The following PDE4D variants were observed in gnomAD, a reference collection of about 807,000 sequenced individuals.
PDE4D encodes the protein phosphodiesterase 4D, also known as 3',5'-cyclic-AMP phosphodiesterase 4D.
A neutral mutation model predicts 87.4 loss-of-function variants in PDE4D; 24 were observed. That is an observed-to-expected ratio of 0.27 (90% CI 0.20 to 0.39). The LOEUF is 0.39. Ranked by LOEUF, PDE4D falls within the 10% of genes least tolerant of loss-of-function variation. The probability of loss-of-function intolerance (pLI) is 1.00; values close to 1 mark genes in which losing one functional copy is unlikely to be tolerated. For missense variants in PDE4D, 714 were observed against 1,041.0 expected, an observed-to-expected ratio of 0.69 and a Z score of 4.32; for synonymous variants, 384 against 383.2, an observed-to-expected ratio of 1.00 and a Z score of -0.02.
chr5:59,817,411 G>T (rs1052538695), intron 1 of PDE4D, among the ~76,000 whole-genome samples: 1 of 152,116 alleles, frequency 6.6e-6, no homozygotes, highest in Non-Finnish European at 1.5e-5. Context: ...TACTAATACC[G>T]GGAGGAGTGG....
chr5:60,348,799 C>T (rs945234615), intron 1 of PDE4D, among the ~76,000 whole-genome samples: 6 of 152,018 alleles, frequency 3.9e-5, no homozygotes, highest in African/African-American at 1.4e-4. Flanking sequence ...ACTTTAACTT[C>T]AGTATCCTAA....
chr5:60,116,244 A>G (rs1276807823), intron 2 of PDE4D, among the ~76,000 whole-genome samples: 1 of 152,082 alleles, frequency 6.6e-6, no homozygotes, highest in Non-Finnish European at 1.5e-5. Flanking sequence ...GCCATGTGCA[A>G]CACAGACCAA....
At chr5:59,368,268 C>T (rs1783397337) in intron 1 of PDE4D, among the ~76,000 whole-genome samples, 1 of 152,180 alleles carries the variant, frequency 6.6e-6, no homozygotes, top group Non-Finnish European at 1.5e-5. Flanking sequence ...ACTTGTGAAA[C>T]TTGCTCTTTT....
chr5:59,608,314 C>T, intron 1 of PDE4D, among the ~76,000 whole-genome samples: 1 of 152,172 alleles, frequency 6.6e-6, no homozygotes, highest in Admixed American at 6.5e-5. Flanking sequence ...TTAGCTCACA[C>T]AGCGCATGCT....
intron 2 of PDE4D, among the ~76,000 whole-genome samples, chr5:60,143,107 G>A (rs899542601): frequency 4.6e-5 from 7 of 152,142 alleles, no homozygotes; most frequent in Non-Finnish European, 1.0e-4. Flanking sequence ...AGTGAATAAG[G>A]AACCAGACCC....
intron 1 of PDE4D, among the ~76,000 whole-genome samples, chr5:59,581,932 G>T (rs1239404421): frequency 6.6e-6 from 1 of 152,024 alleles, no homozygotes; most frequent in Non-Finnish European, 1.5e-5. Context: ...TTAAACAATG[G>T]CTGACTTTAA....
chr5:59,481,689 T>G (rs1258029514), intron 1 of PDE4D, among the ~76,000 whole-genome samples: 1 of 152,124 alleles, frequency 6.6e-6, no homozygotes, highest in Non-Finnish European at 1.5e-5. Context: ...TGACTTTTCT[T>G]GGAAATCAAG....
At chr5:59,171,907 T>C (rs1231958998) in intron 5 of PDE4D, among the ~76,000 whole-genome samples, 1 of 122,490 alleles carries the variant, frequency 8.2e-6, no homozygotes, top group African/African-American at 3.4e-5. Flanking sequence ...AGCATATATA[T>C]GAGAAATACA....
intron 5 of PDE4D, among the ~76,000 whole-genome samples, chr5:59,096,405 G>A (rs1209314888): frequency 1.3e-5 from 2 of 152,140 alleles, no homozygotes; most frequent in Non-Finnish European, 1.5e-5. Context: ...GTGGGCAATT[G>A]GTTGTTATGA....
chr5:59,941,869 C>A (rs1387082165), intron 3 of PDE4D, among the ~76,000 whole-genome samples: 1 of 152,202 alleles, frequency 6.6e-6, no homozygotes, highest in Admixed American at 6.5e-5. Context: ...CCCCTCCATT[C>A]AATGATGGGG....
At chr5:60,140,318 T>C (rs540281409) in intron 2 of PDE4D, among the ~76,000 whole-genome samples, 1 of 152,148 alleles carries the variant, frequency 6.6e-6, no homozygotes, top group South Asian at 2.1e-4. Flanking sequence ...TATAATTACA[T>C]GGTATATTTC....
chr5:59,240,298 G>C (rs545758547), intron 1 of PDE4D, among the ~76,000 whole-genome samples: 3 of 152,224 alleles, frequency 2.0e-5, no homozygotes, highest in Non-Finnish European at 4.4e-5. Context: ...TTTTAAAAAA[G>C]AGCAATTTTC....
chr5:60,511,142 G>A (rs1240150820), intron 1 of PDE4D, among the ~76,000 whole-genome samples: 1 of 151,980 alleles, frequency 6.6e-6, no homozygotes, highest in Non-Finnish European at 1.5e-5. Flanking sequence ...GATAATTTTT[G>A]TATTTTCAGT....
intron 1 of PDE4D, among the ~76,000 whole-genome samples, chr5:59,369,702 TA>T (rs886412521): frequency 3.9e-5 from 6 of 152,034 alleles, no homozygotes; most frequent in African/African-American, 1.2e-4. Context: ...CTGGGAATGT[TA>T]AAAAATTCTG....
intron 1 of PDE4D, among the ~76,000 whole-genome samples, chr5:60,450,509 A>C (rs999697538): frequency 3.9e-5 from 6 of 152,188 alleles, no homozygotes; most frequent in African/African-American, 7.2e-5. Flanking sequence ...TGAGCCATTT[A>C]AAACCATAAT....
chr5:59,802,283 T>C (rs1767222276), intron 1 of PDE4D, among the ~76,000 whole-genome samples: 1 of 151,892 alleles, frequency 6.6e-6, no homozygotes, highest in Admixed American at 6.6e-5. Context: ...CACGCAGCCA[T>C]ATCCCACAAA....
intron 1 of PDE4D, among the ~76,000 whole-genome samples, chr5:59,331,560 C>T (rs533987906): frequency 2.0e-5 from 3 of 152,268 alleles, no homozygotes; most frequent in Non-Finnish European, 4.4e-5. Flanking sequence ...GGGTGTGACA[C>T]AATTCAGCCC....
chr5:60,490,462 C>A (rs752642313), upstream of PDE4D: 3 of 152,128 alleles, frequency 2.0e-5, no homozygotes, highest in Non-Finnish European at 4.4e-5. Flanking sequence ...GAAAAGGAAA[C>A]TAAAAAATAT....
chr5:59,657,939 T>C (rs1284991462), intron 1 of PDE4D, among the ~76,000 whole-genome samples: 1 of 152,186 alleles, frequency 6.6e-6, no homozygotes, highest in Non-Finnish European at 1.5e-5. Context: ...ACAACTCTTA[T>C]CACAGATACT....
Sources: gnomAD v4.1 joint callset for allele counts (sites outside exome capture counted in the v4.1 genomes callset) on GRCh38, gnomAD v4.1.1 for gene constraint, MANE v1.5 for transcripts, NCBI Gene and HGNC (gene_info 2026-07-23, HGNC 2026-07-21) for gene names.